Variants in BEAN1 observed in about 807,000 individuals in gnomAD.
The protein encoded by BEAN1 is protein BEAN1.
Under a neutral mutation model 17.7 loss-of-function variants are expected in BEAN1, and 17 were observed. The ratio of observed to expected loss-of-function variants is 0.96; its 90% confidence interval spans 0.66 to 1.44. The LOEUF (loss-of-function observed/expected upper bound fraction) is 1.44, where lower values mean the gene tolerates loss of function less well. Ranked by LOEUF, BEAN1 falls within the 40% of genes most tolerant of loss-of-function variation. The probability of loss-of-function intolerance (pLI) is 0.00; values close to 1 mark genes in which losing one functional copy is unlikely to be tolerated. For synonymous variants in BEAN1, 142 were observed against 151.8 expected, an observed-to-expected ratio of 0.94 and a Z score of 0.47; for missense variants, 359 against 374.1, an observed-to-expected ratio of 0.96 and a Z score of 0.33.
At chr16:66,437,851 C>A in intron 2 of BEAN1, 150 bp downstream of exon 2, 1 of 1,049,488 alleles carries the variant, frequency 9.5e-7, no homozygotes, top group Non-Finnish European at 1.4e-6. Context: ...GGGGAGAGGG[C>A]AACACGGAAG....
chr16:66,437,561 G>A, intron 1 of BEAN1, 34 bp from the exon 2 acceptor site: 1 of 1,275,454 alleles, frequency 7.8e-7, no homozygotes, highest in Non-Finnish European at 1.1e-6. Context: ...TGCGCCATGG[G>A]CCCCCCAACA....
rs1275645453 is a variant in BEAN1, at chr16:66,471,933, C to T, written c.289+2068C>T. Among the ~76,000 whole-genome samples, 3 of 152,234 alleles carry T rather than the reference C, an allele frequency of 2.0e-5. No homozygotes were observed. The highest frequency in any genetic ancestry group is 6.5e-5 in the Admixed American group (1 of 15,288). Reference sequence around the variant, plus strand: ...CAAGAGAAACCCAGGTCCCCAAGCCCTGGAGGATGCCGGGTAGACCCAGGA... The same window carrying T: ...CAAGAGAAACCCAGGTCCCCAAGCCTTGGAGGATGCCGGGTAGACCCAGGA... On this transcript the variant is annotated intron_variant, in intron 3 of 4. Coordinates refer to ENST00000536005, the MANE Select transcript of BEAN1 (RefSeq NM_001178020.3). This position sits in a 1 kb window ranked among gnomAD's most constrained non-coding sequence, Gnocchi z 4.7.
Position 66,481,042 on chromosome 16 carries a change from CCAAACTT to C in BEAN1, c.*118_*124del. The C allele has an allele frequency of 3.7e-6, 3 of 819,648 alleles. No homozygotes were observed. Among genetic ancestry groups the C allele is most frequent in the Admixed American group, 3.5e-5 (1 of 28,410 alleles). The allele number at this position is 819,648 out of a possible 1,614,324, so 50.8% of individuals were successfully genotyped here. On this transcript the variant is annotated 3_prime_UTR_variant, in exon 5 of 5. Transcript: ENST00000536005. The surrounding 1 kb of genome is among the most constrained non-coding windows in gnomAD (Gnocchi z 4.1). ...ACGTGACTCATAACACACACATAGA[CCAAACTT>C]GTATACACACAGACATCTACACTGA...
chr16:66,490,834 C>T (rs929522189), intron 4 of BEAN1, among the ~76,000 whole-genome samples: 4 of 152,212 alleles, frequency 2.6e-5, no homozygotes, highest in African/African-American at 9.6e-5. Flanking sequence ...GCCCGGTCAC[C>T]CTCCAATCTC....
chr16:66,436,443 A>ATT (rs71145925), intron 1 of BEAN1, among the ~76,000 whole-genome samples: 39 of 121,426 alleles, frequency 3.2e-4, no homozygotes, highest in South Asian at 5.4e-4. Context: ...AATTTTTTGT[A>ATT]TTTTTTTTTT....
At chr16:66,477,741 A>AT in intron 4 of BEAN1, 31 bp downstream of exon 4, 1 of 1,517,882 alleles carries the variant, frequency 6.6e-7, no homozygotes, top group Non-Finnish European at 8.8e-7. Flanking sequence ...AGGGGGCATC[A>AT]GAGGATGGGG....
chr16:66,438,696 A>G (rs1962129310), intron 2 of BEAN1, among the ~76,000 whole-genome samples: 1 of 151,886 alleles, frequency 6.6e-6, no homozygotes, highest in South Asian at 2.1e-4. Flanking sequence ...AGCCCCCTCG[A>G]CTTCTCCCCT....
chr16:66,446,480 G>A (rs1962461981), intron 2 of BEAN1, among the ~76,000 whole-genome samples: 1 of 152,152 alleles, frequency 6.6e-6, no homozygotes, highest in African/African-American at 2.4e-5. Flanking sequence ...TGTCTGAGAC[G>A]CTTTGCAGGC....
At chr16:66,474,333 C>T (rs1232530693) in intron 3 of BEAN1, among the ~76,000 whole-genome samples, 1 of 151,606 alleles carries the variant, frequency 6.6e-6, no homozygotes, top group Admixed American at 6.6e-5. Context: ...GTCAGCTGTC[C>T]CTGCCTGCCA....
At chr16:66,462,061 A>C (rs999435567) in intron 2 of BEAN1, among the ~76,000 whole-genome samples, 2 of 152,254 alleles carry the variant, frequency 1.3e-5, no homozygotes, top group African/African-American at 4.8e-5. Flanking sequence ...TGAACTGGAA[A>C]GAGAACCATG....
At chr16:66,433,896 C>T (rs115348926) in intron 1 of BEAN1, among the ~76,000 whole-genome samples, 17 of 152,338 alleles carry the variant, frequency 1.1e-4, no homozygotes, top group Admixed American at 2.0e-4. Flanking sequence ...GACACTGGCG[C>T]GTCAGCAGAC....
chr16:66,437,882 G>A (rs1005117404), intron 2 of BEAN1, 181 bp downstream of exon 2: 13 of 788,918 alleles, frequency 1.6e-5, no homozygotes, highest in Non-Finnish European at 2.5e-5. Context: ...TCTGCAAGAT[G>A]CTCCCTGAGA....
intron 1 of BEAN1, among the ~76,000 whole-genome samples, chr16:66,436,499 C>T (rs1349699609): frequency 3.3e-5 from 5 of 149,914 alleles, no homozygotes; most frequent in African/African-American, 7.4e-5. Context: ...AGGATGGTCT[C>T]GATCTCCTGA....
intron 1 of BEAN1, 127 bp from the exon 2 acceptor site, chr16:66,437,468 G>A (rs936447092): frequency 1.7e-5 from 10 of 587,314 alleles, no homozygotes; most frequent in East Asian, 8.7e-5. Flanking sequence ...GACTAGGCAC[G>A]TGCTCTCAAA....
At chr16:66,470,001 C>A in intron 3 of BEAN1, 136 bp downstream of exon 3, 2 of 1,248,052 alleles carry the variant, frequency 1.6e-6, no homozygotes, top group Non-Finnish European at 2.2e-6. Flanking sequence ...CTTGGGTGGT[C>A]AGGAAGAGCT....
chr16:66,429,043 C>T (rs985884523), intron 1 of BEAN1, among the ~76,000 whole-genome samples: 1 of 152,128 alleles, frequency 6.6e-6, no homozygotes, highest in African/African-American at 2.4e-5. Context: ...GAGGGGCACC[C>T]ACCCATTGCT....
chr16:66,457,251 G>A (rs948635355), intron 2 of BEAN1, among the ~76,000 whole-genome samples: 1 of 152,210 alleles, frequency 6.6e-6, no homozygotes, highest in Non-Finnish European at 1.5e-5. Flanking sequence ...ATTAATGGAT[G>A]GATGGATAAG....
chr16:66,488,689 C>T (rs1291062865), intron 4 of BEAN1, among the ~76,000 whole-genome samples: 1 of 151,556 alleles, frequency 6.6e-6, no homozygotes, highest in Non-Finnish European at 1.5e-5. Context: ...AGGGTGAGAT[C>T]ATATCTCAAA....
chr16:66,476,026 C>T (rs972548173), intron 3 of BEAN1, among the ~76,000 whole-genome samples: 2 of 151,050 alleles, frequency 1.3e-5, no homozygotes, highest in Non-Finnish European at 2.9e-5. Flanking sequence ...AGGAGAATGG[C>T]GTGGACCCCG....
Sources: allele counts gnomAD v4.1 joint callset (sites outside exome capture counted in the v4.1 genomes callset), GRCh38; gene constraint gnomAD v4.1.1; non-coding constraint Gnocchi (gnomAD v3.1); transcripts MANE v1.5; gene names NCBI Gene and HGNC (gene_info 2026-07-23, HGNC 2026-07-21).